CACNA2D2: variants seen among roughly 807,000 people sequenced by gnomAD.
The protein encoded by CACNA2D2 is calcium voltage-gated channel auxiliary subunit alpha2delta 2.
Under a neutral mutation model 166.4 loss-of-function variants are expected in CACNA2D2, and 48 were observed. The observed-to-expected ratio is 0.29, with a 90% confidence interval of 0.23 to 0.37. The LOEUF is 0.37. CACNA2D2 is among the 10% of genes least tolerant of loss of function. The pLI is 1.00. For missense variants in CACNA2D2, 1,122 were observed against 1,433.0 expected, an observed-to-expected ratio of 0.78 and a Z score of 3.50; for synonymous variants, 561 against 573.7, an observed-to-expected ratio of 0.98 and a Z score of 0.32.
chr3:50,478,554 A>G (rs912855467), intron 1 of CACNA2D2, among the ~76,000 whole-genome samples: 38 of 152,354 alleles, frequency 2.5e-4, no homozygotes, highest in African/African-American at 8.2e-4. Flanking sequence ...CACTACGTAC[A>G]AGGTGCAGTG....
chr3:50,447,510 A>T (rs563363417), intron 2 of CACNA2D2, among the ~76,000 whole-genome samples: 104 of 152,220 alleles, frequency 6.8e-4, no homozygotes, highest in African/African-American at 2.3e-3. Flanking sequence ...AGGCAGCTCT[A>T]CTTCCTCCTT....
chr3:50,457,520 A>G (rs1470372495), intron 2 of CACNA2D2, among the ~76,000 whole-genome samples: 2 of 152,140 alleles, frequency 1.3e-5, no homozygotes, highest in Non-Finnish European at 2.9e-5. Flanking sequence ...CAGCTCCTGG[A>G]AACCTCTGCC....
At chr3:50,474,436 G>C (rs1231275109) in intron 2 of CACNA2D2, among the ~76,000 whole-genome samples, 1 of 152,182 alleles carries the variant, frequency 6.6e-6, no homozygotes, top group Non-Finnish European at 1.5e-5. Context: ...TCACCCAGGG[G>C]CACATGATGG....
intron 2 of CACNA2D2, among the ~76,000 whole-genome samples, chr3:50,463,276 AG>A (rs1709673784): frequency 6.6e-6 from 1 of 152,066 alleles, no homozygotes; most frequent in Admixed American, 6.5e-5. Flanking sequence ...GGACAGTGCC[AG>A]GTGGTAAGGA....
chr3:50,377,891 C>T, intron 15 of CACNA2D2, 88 bp from the exon 16 acceptor site: 1 of 1,483,386 alleles, frequency 6.7e-7, no homozygotes, highest in Non-Finnish European at 9.3e-7. Flanking sequence ...GTGCAGGCCA[C>T]CTCTTTCTCC....
intron 1 of CACNA2D2, among the ~76,000 whole-genome samples, chr3:50,498,269 C>A (rs1313690289): frequency 6.6e-6 from 1 of 152,032 alleles, no homozygotes; most frequent in African/African-American, 2.4e-5. Context: ...GGTTCCCAAA[C>A]CCCCCAAGTC....
chr3:50,395,167 A>C (rs1395632309), intron 3 of CACNA2D2, among the ~76,000 whole-genome samples: 1 of 152,178 alleles, frequency 6.6e-6, no homozygotes, highest in African/African-American at 2.4e-5. Flanking sequence ...ATCACTATCA[A>C]CTGGCCACCT....
intron 3 of CACNA2D2, among the ~76,000 whole-genome samples, chr3:50,399,158 C>T (rs1706312515): frequency 6.6e-6 from 1 of 152,146 alleles, no homozygotes; most frequent in Non-Finnish European, 1.5e-5. Context: ...GCCTGCTCCT[C>T]CCCACCCCCA....
At chr3:50,497,339 C>A (rs1231731950) in intron 1 of CACNA2D2, among the ~76,000 whole-genome samples, 5 of 152,236 alleles carry the variant, frequency 3.3e-5, no homozygotes, top group Non-Finnish European at 7.3e-5. Flanking sequence ...GAAGATTAGG[C>A]TGGGCTTGCC....
intron 2 of CACNA2D2, among the ~76,000 whole-genome samples, chr3:50,457,113 G>A (rs1328543997): frequency 6.6e-6 from 1 of 152,200 alleles, no homozygotes; most frequent in Non-Finnish European, 1.5e-5. Flanking sequence ...AGCTGGGCAT[G>A]GTGGCACGCG....
Position 50,448,920 on chromosome 3 carries a change from C to T in CACNA2D2, c.289-14491G>A, listed in dbSNP as rs151241777. ...AGACAGTCTGAGGCACAGATTCCCTCCTGCATGTGGGGGAGAGCCGCAGCG... is the reference window on the plus strand; with the variant it reads ...AGACAGTCTGAGGCACAGATTCCCTTCTGCATGTGGGGGAGAGCCGCAGCG... On this transcript the variant is annotated intron_variant, in intron 2 of 37. Coordinates refer to ENST00000424201, the MANE Select transcript of CACNA2D2 (RefSeq NM_006030.4). 8.5e-5 allele frequency among the ~76,000 whole-genome samples: 13 copies of T among 152,292 alleles called. No homozygotes were observed. The East Asian group carries it at 2.1e-3, about 25-fold the overall frequency.
Position 50,476,152 on chromosome 3 carries a change from A to G in CACNA2D2, c.254T>C (p.Met85Thr), listed in dbSNP as rs2107090176. The change falls in exon 2 of 38, where the codon ATG becomes ACG. Residue 85 changes from methionine to threonine, a missense_variant. Transcript: ENST00000424201. ...RRLEQEVDGV[M>T]RIFGGVQQLR... is the part of the protein sequence containing the mutation. ...CTGCTGGACGCCTCCAAAAATCCGC[A>G]TCACGCCGTCGACCTCCTGCTCCAG... 1 of 1,602,760 alleles carries G rather than the reference A, an allele frequency of 6.2e-7. No homozygotes were observed. The highest frequency in any genetic ancestry group is 8.5e-7 in the Non-Finnish European group (1 of 1,175,232).
intron 3 of CACNA2D2, among the ~76,000 whole-genome samples, chr3:50,422,016 C>T (rs1159305194): frequency 6.6e-6 from 1 of 152,112 alleles, no homozygotes; most frequent in East Asian, 1.9e-4. Context: ...GCCTTCTCAC[C>T]CTGCAGTCTG....
At position 50,379,300 on chromosome 3, in the gene CACNA2D2, C is replaced by T. The variant is rs587711479; in HGVS notation, c.1153-101G>A. 6 of 1,445,688 alleles carry T rather than the reference C, an allele frequency of 4.2e-6. No homozygotes were observed. The South Asian group carries it at 5.9e-5, about 14-fold the overall frequency. 89.6% of individuals were successfully genotyped at this position (1,445,688 alleles called of 1,614,324 possible). A position where few individuals can be genotyped will look rare whatever the true frequency, so the allele number is the denominator to read the frequency against. On this transcript the variant is annotated intron_variant, in intron 11 of 37. Transcript: ENST00000424201. The surrounding 1 kb of genome is among the most constrained non-coding windows in gnomAD (Gnocchi z 6.5). ...GCCTGGACCTCTGGCCCTCCTCCCC[C>T]ACAGCAGATGGAGCTATCTGTCCAA...
chr3:50,369,219 GTC>G (rs895577415), intron 23 of CACNA2D2, among the ~76,000 whole-genome samples: 2 of 152,234 alleles, frequency 1.3e-5, no homozygotes, highest in East Asian at 1.9e-4. Flanking sequence ...GTCACTTGCA[GTC>G]TCTCCTGTAT....
In CACNA2D2 at chr3:50,367,340, A is replaced by G; in HGVS notation, c.2401+54T>C. ...GCAGAGCCCAGTTCTGGCTGAGCAG[A>G]CAGGGAAGCTGAGGCTCCCTGCCTG... On this transcript the variant is annotated intron_variant, in intron 27 of 37. Coordinates refer to ENST00000424201, the MANE Select transcript of CACNA2D2 (RefSeq NM_006030.4). This position sits in a 1 kb window ranked among gnomAD's most constrained non-coding sequence, Gnocchi z 6.5. 6 of 1,496,582 alleles carry G rather than the reference A, an allele frequency of 4.0e-6. No homozygotes were observed. In the South Asian group the frequency reaches 5.7e-5, roughly 14 times the overall value. 92.7% of individuals were successfully genotyped at this position (1,496,582 alleles called of 1,614,324 possible).
At chr3:50,473,369 G>A (rs1249241758) in intron 2 of CACNA2D2, among the ~76,000 whole-genome samples, 1 of 152,248 alleles carries the variant, frequency 6.6e-6, no homozygotes, top group Non-Finnish European at 1.5e-5. Flanking sequence ...CAAGCTACTG[G>A]GAGTGGGGCA....
At position 50,367,164 on chromosome 3, in the gene CACNA2D2, C is replaced by CT. The variant is rs1704353570; in HGVS notation, c.2402-56dup. On this transcript the variant is annotated intron_variant, in intron 27 of 37. Transcript: ENST00000424201. This position sits in a 1 kb window ranked among gnomAD's most constrained non-coding sequence, Gnocchi z 6.5. The stretch of plus-strand genomic sequence containing the variant: ...GGGTCTGGCGGCCACACTGACCACT[C>CT]TATGCTGGGTCCTACAAACCCAGCA... 7.4e-7 allele frequency: 1 copy of CT among 1,359,318 alleles called. No homozygotes were observed. Among genetic ancestry groups the CT allele is most frequent in the Non-Finnish European group, 1.0e-6 (1 of 959,386 alleles). The allele number at this position is 1,359,318 out of a possible 1,614,324, so 84.2% of individuals were successfully genotyped here.
rs1705255057 is a variant in CACNA2D2 at position 50,380,679 on chromosome 3, G to A, written c.842+69C>T. On this transcript the variant is annotated intron_variant, in intron 8 of 37. Transcript: ENST00000424201. This position sits in a 1 kb window ranked among gnomAD's most constrained non-coding sequence, Gnocchi z 4.9. ...GCTAGGAGGCTTGGAAATGGGGAGGGAGGGGAGCAGGCAGGAAAGGTGGGG... is the reference window on the plus strand; with the variant it reads ...GCTAGGAGGCTTGGAAATGGGGAGGAAGGGGAGCAGGCAGGAAAGGTGGGG... 8.0e-7 allele frequency: 1 copy of A among 1,252,748 alleles called. No individual in the cohort carries two copies. The highest frequency in any genetic ancestry group is 1.1e-6 in the Non-Finnish European group (1 of 923,642). The allele number at this position is 1,252,748 out of a possible 1,614,324, so 77.6% of individuals were successfully genotyped here.
Sources: gnomAD v4.1 joint callset for allele counts (sites outside exome capture counted in the v4.1 genomes callset) on GRCh38, gnomAD v4.1.1 for gene constraint, Gnocchi (gnomAD v3.1) non-coding constraint, MANE v1.5 for transcripts, NCBI Gene and HGNC (gene_info 2026-07-23, HGNC 2026-07-21) for gene names.